Variants in KCNMA1 observed in about 807,000 individuals in gnomAD.
The protein encoded by KCNMA1 is potassium calcium-activated channel subfamily M alpha 1.
KCNMA1 carries 29 observed loss-of-function variants against 140.0 expected under a neutral mutation model. The ratio of observed to expected loss-of-function variants is 0.21; its 90% confidence interval spans 0.15 to 0.28. The LOEUF (loss-of-function observed/expected upper bound fraction) is 0.28, where lower values mean the gene tolerates loss of function less well. Ranked by LOEUF, KCNMA1 falls within the 10% of genes least tolerant of loss-of-function variation. The pLI, the probability that KCNMA1 is intolerant of heterozygous loss-of-function variation, is 1.00. For missense variants in KCNMA1, 880 were observed against 1,602.2 expected (o/e 0.55, Z 7.70); for synonymous variants, 612 against 611.9 (o/e 1.00, Z 0.00).
At chr10:77,469,026 C>G (rs530196036) in intron 1 of KCNMA1, among the ~76,000 whole-genome samples, 2 of 152,254 alleles carry the variant, frequency 1.3e-5, no homozygotes, top group Non-Finnish European at 2.9e-5. Context: ...CCACCCTCCC[C>G]GACCACTTCG....
At chr10:77,401,909 C>T (rs566901364) in intron 2 of KCNMA1, among the ~76,000 whole-genome samples, 1 of 152,270 alleles carries the variant, frequency 6.6e-6, no homozygotes, top group Non-Finnish European at 1.5e-5. Context: ...TGCATTCCTT[C>T]AATAACTTCC....
At chr10:77,538,627 T>C (rs1450160091) in intron 1 of KCNMA1, among the ~76,000 whole-genome samples, 2 of 152,146 alleles carry the variant, frequency 1.3e-5, no homozygotes, top group South Asian at 2.1e-4. Flanking sequence ...CCCAGGCTAA[T>C]ATGGAGTCCT....
chr10:77,491,616 A>G (rs2039882764), intron 1 of KCNMA1, among the ~76,000 whole-genome samples: 1 of 152,004 alleles, frequency 6.6e-6, no homozygotes, highest in African/African-American at 2.4e-5. Context: ...GACTGGGTGA[A>G]CACTGTTCTG....
chr10:77,370,693 T>C (rs1407187475), intron 2 of KCNMA1, among the ~76,000 whole-genome samples: 1 of 152,192 alleles, frequency 6.6e-6, no homozygotes, highest in East Asian at 1.9e-4. Flanking sequence ...CCTATCCAAG[T>C]TCACACAACA....
intron 13 of KCNMA1, among the ~76,000 whole-genome samples, chr10:77,078,275 G>A (rs1369902329): frequency 6.6e-6 from 1 of 152,154 alleles, no homozygotes; most frequent in Admixed American, 6.5e-5. Context: ...CCGGTTTCTA[G>A]GTTTCATTAA....
At chr10:77,247,993 G>A (rs2058923010) in intron 3 of KCNMA1, among the ~76,000 whole-genome samples, 1 of 152,094 alleles carries the variant, frequency 6.6e-6, no homozygotes, top group South Asian at 2.1e-4. Flanking sequence ...CAGACCCAAA[G>A]AAAACGCCCT....
At chr10:77,268,614 T>A (rs1323708997) in intron 2 of KCNMA1, among the ~76,000 whole-genome samples, 1 of 152,066 alleles carries the variant, frequency 6.6e-6, no homozygotes, top group African/African-American at 2.4e-5. Context: ...GGAAGTGGCA[T>A]CCGCAGGCTT....
intron 14 of KCNMA1, among the ~76,000 whole-genome samples, chr10:77,068,725 T>TGTGTGC (rs1187319277): frequency 8.6e-5 from 13 of 150,488 alleles, no homozygotes; most frequent in African/African-American, 3.2e-4. Context: ...TGTGTGTGTG[T>TGTGTGC]GTGTGTGTAT....
At chr10:76,893,066 G>T (rs2040889208) in intron 25 of KCNMA1, among the ~76,000 whole-genome samples, 1 of 152,152 alleles carries the variant, frequency 6.6e-6, no homozygotes, top group Non-Finnish European at 1.5e-5. Context: ...TTCTGGAGAG[G>T]TTATGGGATC....
At chr10:77,090,075 G>A (rs142127442) in intron 10 of KCNMA1, among the ~76,000 whole-genome samples, 13 of 152,204 alleles carry the variant, frequency 8.5e-5, no homozygotes, top group Non-Finnish European at 1.5e-4. Flanking sequence ...ATGTGGACAC[G>A]CCAGATTGCT....
intron 3 of KCNMA1, among the ~76,000 whole-genome samples, chr10:77,211,656 A>T (rs910939805): frequency 6.6e-6 from 1 of 152,214 alleles, no homozygotes; most frequent in African/African-American, 2.4e-5. Flanking sequence ...CTATCAACAA[A>T]GTAAAAAGAC....
intron 3 of KCNMA1, among the ~76,000 whole-genome samples, chr10:77,218,722 C>A (rs2048598799): frequency 6.6e-6 from 1 of 151,608 alleles, no homozygotes; most frequent in Non-Finnish European, 1.5e-5. Context: ...AGTCTCACTC[C>A]ATCGACCAGG....
At chr10:77,508,654 T>G (rs1456333468) in intron 1 of KCNMA1, among the ~76,000 whole-genome samples, 1 of 147,938 alleles carries the variant, frequency 6.8e-6, no homozygotes, top group Non-Finnish European at 1.5e-5. Context: ...AGGCATGATC[T>G]CACTACGTTG....
At chr10:77,084,893 T>C (rs2096658169) in intron 11 of KCNMA1, among the ~76,000 whole-genome samples, 174 bp from the exon 12 acceptor site, 2 of 152,186 alleles carry the variant, frequency 1.3e-5, no homozygotes, top group African/African-American at 2.4e-5. Context: ...CAAGTTCTTG[T>C]TATGGTATAA....
At chr10:76,961,383 T>G (rs1026301032) in intron 20 of KCNMA1, among the ~76,000 whole-genome samples, 1 of 151,874 alleles carries the variant, frequency 6.6e-6, no homozygotes, top group African/African-American at 2.4e-5. Flanking sequence ...ATATGAGGAG[T>G]TGCTTCTTAC....
At chr10:77,455,322 G>A (rs2097741919) in intron 1 of KCNMA1, among the ~76,000 whole-genome samples, 1 of 152,094 alleles carries the variant, frequency 6.6e-6, no homozygotes, top group Non-Finnish European at 1.5e-5. Flanking sequence ...CTCGAACCCA[G>A]GACTCCTAGA....
intron 6 of KCNMA1, among the ~76,000 whole-genome samples, chr10:77,117,124 A>T (rs1464922963): frequency 1.3e-5 from 2 of 152,242 alleles, no homozygotes; most frequent in Non-Finnish European, 2.9e-5. Context: ...ATGGAATGCT[A>T]TGTGAGAAAC....
chr10:77,265,657 C>T (rs1477923748), intron 2 of KCNMA1, among the ~76,000 whole-genome samples: 1 of 152,098 alleles, frequency 6.6e-6, no homozygotes, highest in Non-Finnish European at 1.5e-5. Flanking sequence ...GTTCATTGGG[C>T]TGGACAATGC....
intron 2 of KCNMA1, among the ~76,000 whole-genome samples, chr10:77,273,765 A>C (rs1171314865): frequency 6.6e-6 from 1 of 152,154 alleles, no homozygotes; most frequent in Non-Finnish European, 1.5e-5. Flanking sequence ...AAAGCAGTCC[A>C]CCTGTAAGTT....
Sources: allele counts gnomAD v4.1 joint callset (sites outside exome capture counted in the v4.1 genomes callset), GRCh38; gene constraint gnomAD v4.1.1; transcripts MANE v1.5; gene names NCBI Gene and HGNC (gene_info 2026-07-23, HGNC 2026-07-21).